The following SPRED1 variants were observed in gnomAD, a reference collection of about 807,000 sequenced individuals.
SPRED1 encodes the protein sprouty related EVH1 domain containing 1, also known as sprouty-related, EVH1 domain-containing protein 1.
In SPRED1, 18 loss-of-function variants were observed where a neutral mutation model predicts 52.3. That is an observed-to-expected ratio of 0.34 (90% CI 0.24 to 0.51). The LOEUF is 0.51. Among genes scored for constraint, SPRED1 ranks in the 20% least tolerant of loss-of-function variants. The pLI, the probability that SPRED1 is intolerant of heterozygous loss-of-function variation, is 0.97. For missense variants in SPRED1, 485 were observed against 551.0 expected, an observed-to-expected ratio of 0.88 and a Z score of 1.20; for synonymous variants, 155 against 179.7, an observed-to-expected ratio of 0.86 and a Z score of 1.10.
intron 3 of SPRED1, among the ~76,000 whole-genome samples, chr15:38,323,068 T>C (rs991522425): frequency 3.3e-5 from 5 of 152,150 alleles, no homozygotes; most frequent in African/African-American, 9.7e-5. Flanking sequence ...GATTTTTTTT[T>C]CTAATTAGGA....
chr15:38,274,853 CTA>C (rs967057015), intron 1 of SPRED1, among the ~76,000 whole-genome samples: 8 of 152,166 alleles, frequency 5.3e-5, no homozygotes, highest in African/African-American at 1.7e-4. Context: ...GGCAACAATA[CTA>C]TAGAGTGATG....
chr15:38,318,611 A>G (rs946522578), intron 2 of SPRED1, among the ~76,000 whole-genome samples: 1 of 152,124 alleles, frequency 6.6e-6, no homozygotes, highest in African/African-American at 2.4e-5. Context: ...AGTAGTTCCC[A>G]GTGTCTATTA....
chr15:38,261,573 G>C (rs1287323616), intron 1 of SPRED1, among the ~76,000 whole-genome samples: 2 of 151,812 alleles, frequency 1.3e-5, no homozygotes, highest in African/African-American at 4.8e-5. Context: ...TTTTGTTTTT[G>C]TTTTTTTAAT....
intron 4 of SPRED1, among the ~76,000 whole-genome samples, chr15:38,331,112 T>C (rs1368084252): frequency 2.6e-5 from 4 of 152,158 alleles, no homozygotes; most frequent in Non-Finnish European, 4.4e-5. Context: ...TAGGCACTTA[T>C]CAACCATAAG....
At chr15:38,318,850 T>C (rs1289257333) in intron 2 of SPRED1, among the ~76,000 whole-genome samples, 3 of 152,178 alleles carry the variant, frequency 2.0e-5, no homozygotes, top group African/African-American at 7.2e-5. Context: ...TAATCCACCA[T>C]TGATGGACAC....
Position 38,351,528 on chromosome 15 carries a change from T to C in SPRED1, c.1199T>C (p.Phe400Ser). ...TCGTGTGACACTAGCGACGACAAGT[T>C]CTGCTTGCGATGGTTAGCCCTGGTA... Reference protein sequence around the residue: ...PCSCDTSDDKFCLRWLALVAL... With the variant: ...PCSCDTSDDKSCLRWLALVAL... Residue 400 changes from phenylalanine to serine, a missense_variant, in exon 7 of 7, where the codon TTC becomes TCC. By Grantham distance (155) the Phe-to-Ser change is radical (BLOSUM62 -2). Around this residue, in one of 5 missense-constraint regions of SPRED1, gnomAD observed 205 missense variants for 245.2 expected, o/e 0.84. Transcript: ENST00000299084. 6.8e-6 allele frequency: 11 copies of C among 1,614,136 alleles called. No homozygotes were observed. Among genetic ancestry groups the C allele is most frequent in the Non-Finnish European group, 9.3e-6 (11 of 1,180,004 alleles).
At chr15:38,256,588 A>G (rs531422777) in intron 1 of SPRED1, among the ~76,000 whole-genome samples, 1 of 152,228 alleles carries the variant, frequency 6.6e-6, no homozygotes, top group Admixed American at 6.5e-5. Context: ...GCAAGTTGGG[A>G]TTATATTAGA....
In SPRED1 at chr15:38,351,918, G is replaced by C. The variant is rs1888498620; in HGVS notation, c.*254G>C. On this transcript the variant is annotated 3_prime_UTR_variant, in exon 7 of 7. Transcript: ENST00000299084. ...ATTTCTGGTTATTTGGCTATAAAAAGTCAGCATAAAATATGATCCAACTAA... is the reference window on the plus strand; with the variant it reads ...ATTTCTGGTTATTTGGCTATAAAAACTCAGCATAAAATATGATCCAACTAA... 1.2e-5 allele frequency: 7 copies of C among 565,504 alleles called. No homozygotes were observed. The highest frequency in any genetic ancestry group is 1.9e-5 in the African/African-American group (1 of 53,132). 35.0% of individuals were successfully genotyped at this position (565,504 alleles called of 1,614,324 possible).
intron 2 of SPRED1, among the ~76,000 whole-genome samples, chr15:38,310,153 G>GTTTTTT (rs1555390274): frequency 2.3e-5 from 3 of 132,188 alleles, no homozygotes; most frequent in Non-Finnish European, 3.1e-5. Context: ...GTGTGTGTGT[G>GTTTTTT]TTTGGAGACG....
chr15:38,273,740 G>A (rs1357932953), intron 1 of SPRED1, among the ~76,000 whole-genome samples: 2 of 152,034 alleles, frequency 1.3e-5, no homozygotes, highest in African/African-American at 4.8e-5. Context: ...TGTATGAGAT[G>A]TGTCATTCTA....
intron 2 of SPRED1, among the ~76,000 whole-genome samples, chr15:38,310,111 T>TG (rs1169051600): frequency 5.5e-5 from 2 of 36,110 alleles, no homozygotes; most frequent in African/African-American, 1.4e-4. Context: ...TTTTAGACTA[T>TG]TCTTTGTGTG....
chr15:38,316,748 G>GGTTTTTTTTTTTTTTTTTTTTTTT lies in SPRED1; in HGVS notation c.208-5493_208-5492insGTTTTTTTTTTTTTTTTTTTTTTT. Among the ~76,000 whole-genome samples, 17 of 41,920 alleles carry GGTTTTTTTTTTTTTTTTTTTTTTT rather than the reference G, an allele frequency of 4.1e-4. 1 individual carries two copies. The highest frequency in any genetic ancestry group is 0.012 in the Middle Eastern group (1 of 82). The allele number at this position is 41,920 out of a possible 152,430, so 27.5% of individuals were successfully genotyped here. ...TCTAGTTTACAATTTTCCATTATAT[G>GGTTTTTTTTTTTTTTTTTTTTTTT]TTTTTTTTTTTTTTTTTTTTTTTTG... is the stretch of plus-strand genomic sequence containing the variant. On this transcript the variant is annotated intron_variant, in intron 2 of 6. Coordinates refer to ENST00000299084, the MANE Select transcript of SPRED1 (RefSeq NM_152594.3).
At chr15:38,257,309 A>G (rs930470044) in intron 1 of SPRED1, among the ~76,000 whole-genome samples, 1 of 152,162 alleles carries the variant, frequency 6.6e-6, no homozygotes, top group Non-Finnish European at 1.5e-5. Flanking sequence ...TTGATGGCAA[A>G]TGCTCTACAA....
intron 5 of SPRED1, among the ~76,000 whole-genome samples, chr15:38,344,021 A>G (rs1216069455): frequency 6.6e-6 from 1 of 152,204 alleles, no homozygotes; most frequent in Non-Finnish European, 1.5e-5. Context: ...AATAAAGGCT[A>G]AAAGCAATCT....
intron 5 of SPRED1, among the ~76,000 whole-genome samples, chr15:38,343,711 G>C (rs573750166): frequency 1.9e-4 from 29 of 152,180 alleles, no homozygotes; most frequent in African/African-American, 6.5e-4. Context: ...AAGGCTCCAG[G>C]TAAGTCTCCC....
At chr15:38,302,104 G>A (rs1387721747) in intron 2 of SPRED1, among the ~76,000 whole-genome samples, 1 of 152,110 alleles carries the variant, frequency 6.6e-6, no homozygotes, top group Non-Finnish European at 1.5e-5. Context: ...TTCTAGAAGT[G>A]AGATTCTTGC....
chr15:38,316,642 A>C (rs1895486328), intron 2 of SPRED1, among the ~76,000 whole-genome samples: 1 of 151,562 alleles, frequency 6.6e-6, no homozygotes, highest in South Asian at 2.1e-4. Flanking sequence ...CAACCTGGCC[A>C]GATCTGTTTG....
chr15:38,287,856 C>G (rs1217689389), intron 1 of SPRED1, among the ~76,000 whole-genome samples: 1 of 46,176 alleles, frequency 2.2e-5, no homozygotes, highest in African/African-American at 4.5e-5. Context: ...ACACAGATAC[C>G]GAGGAACAAC....
chr15:38,323,303 T>G (rs1343823076), intron 3 of SPRED1, among the ~76,000 whole-genome samples: 4 of 152,152 alleles, frequency 2.6e-5, no homozygotes, highest in Admixed American at 2.0e-4. Context: ...TTTAAAAGAT[T>G]AGAATTTGGT....
Sources: gnomAD v4.1 joint callset for allele counts (sites outside exome capture counted in the v4.1 genomes callset) on GRCh38, gnomAD v4.1.1 for gene constraint, gnomAD v4.1.1 regional missense constraint, MANE v1.5 for transcripts, NCBI Gene and HGNC (gene_info 2026-07-23, HGNC 2026-07-21) for gene names.